LRRC4C: variants seen among roughly 807,000 people sequenced by gnomAD.
The protein encoded by LRRC4C is leucine-rich repeat-containing protein 4C.
In LRRC4C, 5 loss-of-function variants were observed where a neutral mutation model predicts 33.6. The ratio of observed to expected loss-of-function variants is 0.15; its 90% CI spans 0.08 to 0.31. LRRC4C has a LOEUF of 0.31. LRRC4C is among the 10% of genes least tolerant of loss of function. The pLI, the probability that LRRC4C is intolerant of heterozygous loss-of-function variation, is 1.00. For missense variants in LRRC4C, 560 were observed against 796.7 expected (o/e 0.70, Z 3.58); for synonymous variants, 329 against 302.0 (o/e 1.09, Z -0.93).
intron 3 of LRRC4C, among the ~76,000 whole-genome samples, chr11:40,617,172 T>A (rs527237847): frequency 6.6e-6 from 1 of 151,906 alleles, no homozygotes; most frequent in Non-Finnish European, 1.5e-5. Flanking sequence ...GAAATCACTT[T>A]CCTTTTATTT....
At position 41,123,096 on chromosome 11, in the gene LRRC4C, C is replaced by T. The variant is rs371628362; in HGVS notation, c.-495-189373G>A. On this transcript the variant is annotated intron_variant, in intron 1 of 6. Coordinates refer to ENST00000528697, the MANE Select transcript of LRRC4C (RefSeq NM_001258419.2). ...TGAGATCATCCAATAAAAACTCCAA[C>T]ACAACTGGAAATTCCCATCCTATGC... 5 of 152,116 alleles carry T rather than the reference C, an allele frequency of 3.3e-5. No homozygotes were observed. In the East Asian group the frequency reaches 5.8e-4, roughly 18 times the overall value. The allele number at this position is 152,116 out of a possible 1,614,324, so 9.4% of individuals were successfully genotyped here.
At chr11:41,339,247 C>T (rs905677754) in intron 1 of LRRC4C, among the ~76,000 whole-genome samples, 13 of 152,152 alleles carry the variant, frequency 8.5e-5, no homozygotes, top group African/African-American at 2.9e-4. Context: ...TATATCTTTA[C>T]TTTTACCAAG....
intron 2 of LRRC4C, among the ~76,000 whole-genome samples, chr11:40,848,081 C>A (rs989012601): frequency 3.7e-4 from 55 of 150,016 alleles, no homozygotes; most frequent in Middle Eastern, 3.4e-3. Flanking sequence ...GTCTATCTAT[C>A]TATCTTTTTT....
intron 1 of LRRC4C, among the ~76,000 whole-genome samples, chr11:41,126,842 C>A (rs1350480522): frequency 6.6e-6 from 1 of 152,036 alleles, no homozygotes. Flanking sequence ...AGAACATGAG[C>A]CTCAAATGAG....
At chr11:40,740,891 A>G (rs559966171) in intron 2 of LRRC4C, among the ~76,000 whole-genome samples, 12 of 152,140 alleles carry the variant, frequency 7.9e-5, no homozygotes, top group Non-Finnish European at 5.9e-5. Flanking sequence ...GAGACTATAC[A>G]TTCCCCCCAT....
At chr11:41,148,316 T>C (rs937471051) in intron 1 of LRRC4C, among the ~76,000 whole-genome samples, 8 of 152,080 alleles carry the variant, frequency 5.3e-5, no homozygotes, top group Non-Finnish European at 2.9e-5. Context: ...TCTTGAGCCC[T>C]AGTGGTTGAG....
intron 2 of LRRC4C, among the ~76,000 whole-genome samples, chr11:40,892,460 GA>G (rs1375535586): frequency 6.6e-6 from 1 of 152,126 alleles, no homozygotes; most frequent in Non-Finnish European, 1.5e-5. Context: ...ACAGATGTTT[GA>G]GTAGGGTCTT....
In LRRC4C at chr11:40,984,025, C is replaced by T. The variant is rs181414345; in HGVS notation, c.-495-50302G>A. 1.5e-3 allele frequency among the ~76,000 whole-genome samples: 227 copies of T among 152,092 alleles called. 2 individuals carry two copies. Among genetic ancestry groups the T allele is most frequent in the African/African-American group, 5.4e-3 (223 of 41,480 alleles). On this transcript the variant is annotated intron_variant, in intron 1 of 6. Coordinates refer to ENST00000528697, the MANE Select transcript of LRRC4C (RefSeq NM_001258419.2). ...GCTACTATACTGGACAATGTATTCT[C>T]ATAAAGATGAGCAAGCTGACCATCT...
intron 1 of LRRC4C, among the ~76,000 whole-genome samples, chr11:41,005,674 G>A (rs777764644): frequency 6.6e-6 from 1 of 151,912 alleles, no homozygotes; most frequent in African/African-American, 2.4e-5. Flanking sequence ...TCTCTCTCTC[G>A]CAATGTGACC....
At position 41,057,913 on chromosome 11, in the gene LRRC4C, G is replaced by C. The variant is rs185399003; in HGVS notation, c.-495-124190C>G. The stretch of plus-strand genomic sequence containing the variant: ...TCTGCTAGGAGCCGAACACTCCTTG[G>C]AACACCCTGGGAACAGAAAGGAGCT... On this transcript the variant is annotated intron_variant, in intron 1 of 6. Transcript: ENST00000528697. 9.2e-5 allele frequency among the ~76,000 whole-genome samples: 14 copies of C among 152,238 alleles called. No individual in the cohort carries two copies. In the East Asian group the frequency reaches 2.5e-3, roughly 27 times the overall value.
At chr11:41,371,123 T>C (rs944473660) in intron 1 of LRRC4C, among the ~76,000 whole-genome samples, 2 of 150,972 alleles carry the variant, frequency 1.3e-5, no homozygotes, top group Non-Finnish European at 2.9e-5. Flanking sequence ...CGCCTTGATA[T>C]ATTAAATTTA....
chr11:40,953,779 C>A (rs909263830), intron 1 of LRRC4C, among the ~76,000 whole-genome samples: 1 of 151,822 alleles, frequency 6.6e-6, no homozygotes, highest in South Asian at 2.1e-4. Context: ...ACTTTCAATG[C>A]CATTATTTCC....
chr11:40,940,704 G>A (rs1055611745), intron 1 of LRRC4C, among the ~76,000 whole-genome samples: 1 of 152,052 alleles, frequency 6.6e-6, no homozygotes, highest in East Asian at 1.9e-4. Flanking sequence ...AGAGCATTCT[G>A]TGCTTTTCAT....
At chr11:40,443,282 C>A (rs1951476136) in intron 3 of LRRC4C, among the ~76,000 whole-genome samples, 1 of 152,180 alleles carries the variant, frequency 6.6e-6, no homozygotes, top group Non-Finnish European at 1.5e-5. Context: ...TGATGACAAA[C>A]AAGATATTAT....
At chr11:40,680,606 G>C (rs528154942) in intron 2 of LRRC4C, among the ~76,000 whole-genome samples, 1 of 152,256 alleles carries the variant, frequency 6.6e-6, no homozygotes, top group East Asian at 1.9e-4. Context: ...GAGTTTCTCT[G>C]CACAAGCTAT....
At chr11:41,135,434 G>A (rs1490503844) in intron 1 of LRRC4C, among the ~76,000 whole-genome samples, 1 of 152,092 alleles carries the variant, frequency 6.6e-6, no homozygotes, top group African/African-American at 2.4e-5. Flanking sequence ...ACGAAAACAT[G>A]GCAATAACAA....
intron 3 of LRRC4C, among the ~76,000 whole-genome samples, chr11:40,474,380 T>C (rs1469442378): frequency 6.6e-6 from 1 of 152,164 alleles, no homozygotes; most frequent in East Asian, 1.9e-4. Context: ...GCTAGCCATA[T>C]GCAGAAAACT....
chr11:40,743,638 T>C (rs368176406), intron 2 of LRRC4C, among the ~76,000 whole-genome samples: 2 of 152,130 alleles, frequency 1.3e-5, no homozygotes, highest in South Asian at 4.1e-4. Context: ...ATTATCTTTC[T>C]AACTTCACCC....
At chr11:41,440,324 A>G (rs1955574550) in intron 1 of LRRC4C, among the ~76,000 whole-genome samples, 1 of 152,120 alleles carries the variant, frequency 6.6e-6, no homozygotes, top group Admixed American at 6.5e-5. Flanking sequence ...TGAAAGGGGG[A>G]GAAAAATTAC....
Sources: gnomAD v4.1 joint callset for allele counts (sites outside exome capture counted in the v4.1 genomes callset) on GRCh38, gnomAD v4.1.1 for gene constraint, MANE v1.5 for transcripts, NCBI Gene and HGNC (gene_info 2026-07-23, HGNC 2026-07-21) for gene names.